PIK3CD: variants seen among roughly 807,000 people sequenced by gnomAD.
PIK3CD encodes the protein phosphatidylinositol-4,5-bisphosphate 3-kinase catalytic subunit delta.
In PIK3CD, 20 loss-of-function variants were observed where a neutral mutation model predicts 122.9. That is an observed-to-expected ratio of 0.16 (90% CI 0.11 to 0.24). The LOEUF (loss-of-function observed/expected upper bound fraction) is 0.24. PIK3CD is among the 10% of genes least tolerant of loss of function. The pLI is 1.00. For missense variants in PIK3CD, 787 were observed against 1,406.3 expected (o/e 0.56, Z 7.04); for synonymous variants, 596 against 593.4 (o/e 1.00, Z -0.06).
At position 9,695,645 on chromosome 1, in the gene PIK3CD, C is replaced by T. The variant is rs899823867; in HGVS notation, c.-33+4074C>T. On this transcript the variant is annotated intron_variant, in intron 2 of 23. Transcript: ENST00000377346. ...GATCACTAGGTCAGGAGTTCAAGAC[C>T]AGCCTGGCCAACATGGTGAAACCCT... Among the ~76,000 whole-genome samples the T allele has an allele frequency of 2.0e-5, 3 of 152,078 alleles. No homozygotes were observed. The East Asian group carries it at 5.8e-4, about 29-fold the overall frequency.
Position 9,719,814 on chromosome 1 carries a change from G to A in PIK3CD, c.1243-107G>A, listed in dbSNP as rs1173248643. ...TCTCCCAGGGGTCTGGTTGGGAGAT[G>A]TTAGCTGGGCTCTGGGTCTTCTCGG... On this transcript the variant is annotated intron_variant, in intron 9 of 23. Transcript: ENST00000377346. This position sits in a 1 kb window ranked among gnomAD's most constrained non-coding sequence, Gnocchi z 5.5. 6 of 915,636 alleles carry A rather than the reference G, an allele frequency of 6.6e-6. No individual in the cohort carries two copies. The East Asian group carries it at 9.6e-5, about 15-fold the overall frequency. The allele number at this position is 915,636 out of a possible 1,614,324, so 56.7% of individuals were successfully genotyped here.
chr1:9,634,511 C>A, the PIK3CD span, among the ~76,000 whole-genome samples: 2 of 152,096 alleles, frequency 1.3e-5, no homozygotes, highest in Admixed American at 6.5e-5. Flanking sequence ...GTTGCCCAGG[C>A]TGGTCTCAAA....
At chr1:9,644,584 G>A in the PIK3CD span, among the ~76,000 whole-genome samples, 4 of 151,966 alleles carry the variant, frequency 2.6e-5, no homozygotes, top group East Asian at 5.8e-4. Context: ...AGCCATCATC[G>A]TTCTTCAAGT....
At position 9,729,076 on chromosome 1, in the gene PIK3CD, T is replaced by C. The variant is rs965740041; in HGVS notation, c.*2030T>C. On this transcript the variant is annotated 3_prime_UTR_variant, in exon 24 of 24. Transcript: ENST00000377346. ...AGCGGATACACTTTCTGACCTATCA[T>C]GAGTATACACATCTGCGAAGGGAAA... The C allele has an allele frequency of 9.2e-5, 14 of 152,206 alleles. No individual in the cohort carries two copies. The highest frequency in any genetic ancestry group is 2.9e-4 in the African/African-American group (12 of 41,432). 9.4% of individuals were successfully genotyped at this position (152,206 alleles called of 1,614,324 possible).
chr1:9,689,054 C>T lies in PIK3CD; in HGVS notation c.-137-2413C>T, dbSNP rs116625573. Among the ~76,000 whole-genome samples, 2,509 of 152,360 alleles carry T rather than the reference C, an allele frequency of 0.016. 75 individuals are homozygous for T. Among genetic ancestry groups the T allele is most frequent in the African/African-American group, 0.058 (2,416 of 41,588 alleles). On this transcript the variant is annotated intron_variant, in intron 1 of 23. Coordinates refer to ENST00000377346, the MANE Select transcript of PIK3CD (RefSeq NM_005026.5). The surrounding 1 kb of genome is among the most constrained non-coding windows in gnomAD (Gnocchi z 6.1). ...GCTGGATTTGAGCCCAGAGCCCGGG[C>T]TGGCCAATTACTCGAGTGAGTCTGG...
chr1:9,698,127 C>G (rs1275685532), intron 2 of PIK3CD, among the ~76,000 whole-genome samples: 2 of 152,128 alleles, frequency 1.3e-5, no homozygotes, highest in Non-Finnish European at 2.9e-5. Context: ...CATATTCATT[C>G]ATAACATTTC....
chr1:9,697,606 ACCTG>A (rs1450747749), intron 2 of PIK3CD, among the ~76,000 whole-genome samples: 2 of 151,798 alleles, frequency 1.3e-5, no homozygotes, highest in African/African-American at 2.4e-5. Context: ...TGTGGTGTGC[ACCTG>A]TAGTCCCAGC....
chr1:9,670,747 TA>T (rs1645295846), intron 1 of PIK3CD, among the ~76,000 whole-genome samples: 1 of 152,106 alleles, frequency 6.6e-6, no homozygotes, highest in Non-Finnish European at 1.5e-5. Flanking sequence ...AGTGGATTTT[TA>T]AAAAACAATT....
intron 2 of PIK3CD, among the ~76,000 whole-genome samples, chr1:9,694,448 C>T (rs545332912): frequency 3.3e-5 from 5 of 152,234 alleles, no homozygotes; most frequent in South Asian, 4.2e-4. Context: ...GTAGGAGAAT[C>T]GCTTGAACCT....
chr1:9,717,935 G>A lies in PIK3CD; in HGVS notation c.1020+309G>A, dbSNP rs1324015645. Among the ~76,000 whole-genome samples the A allele has an allele frequency of 2.0e-5, 3 of 152,180 alleles. No individual in the cohort carries two copies. The highest frequency in any genetic ancestry group is 4.4e-5 in the Non-Finnish European group (3 of 68,034). On this transcript the variant is annotated intron_variant, in intron 8 of 23. Transcript: ENST00000377346. The surrounding 1 kb of genome is among the most constrained non-coding windows in gnomAD (Gnocchi z 5.4). ...GGACCGCAGAGCTGGGGGAAGGGCC[G>A]GGCATGGAAGAGGGGCTGGGTCCAG...
In PIK3CD at chr1:9,727,046, G is replaced by A; in HGVS notation, c.3135G>A (p.Ter1045=). The change falls in exon 24 of 24, where the codon TAG becomes TAA. Residue 1045 remains the stop codon, a stop_retained_variant. Coordinates refer to ENST00000377346, the MANE Select transcript of PIK3CD (RefSeq NM_005026.5). ...AHNVSKDNRQ[*] ...ACGTGTCCAAAGACAACAGGCAGTA[G>A]TGGCTCCTCCCAGCCCTGGGCCCAA... 1 of 1,614,114 alleles carries A rather than the reference G, an allele frequency of 6.2e-7. No homozygotes were observed. Among genetic ancestry groups the A allele is most frequent in the Non-Finnish European group, 8.5e-7 (1 of 1,180,032 alleles).
intron 2 of PIK3CD, among the ~76,000 whole-genome samples, chr1:9,692,247 C>T (rs1242741183): frequency 6.6e-6 from 1 of 152,144 alleles, no homozygotes; most frequent in Admixed American, 6.5e-5. Context: ...TCTCTGGGTG[C>T]ATAACATATT....
At position 9,658,521 on chromosome 1, in the gene PIK3CD, A is replaced by ATTTTTTTT. The variant is rs1165670404; in HGVS notation, c.-138+6735_-138+6742dup. The stretch of plus-strand genomic sequence containing the variant: ...CTGAACTGGGTTTTTTCCCAGCCAC[A>ATTTTTTTT]TTTTTTTTTTTTTTTTTTTTTTTGG... On this transcript the variant is annotated intron_variant, in intron 1 of 23. Transcript: ENST00000377346. 6.0e-3 allele frequency among the ~76,000 whole-genome samples: 550 copies of ATTTTTTTT among 91,166 alleles called. 65 individuals are homozygous for ATTTTTTTT. Among genetic ancestry groups the ATTTTTTTT allele is most frequent in the African/African-American group, 0.025 (487 of 19,348 alleles). The allele number at this position is 91,166 out of a possible 152,430, so 59.8% of individuals were successfully genotyped here.
intron 2 of PIK3CD, among the ~76,000 whole-genome samples, chr1:9,702,098 G>C (rs111262400): frequency 6.6e-6 from 1 of 151,528 alleles, no homozygotes; most frequent in Non-Finnish European, 1.5e-5. Context: ...GGGTTCAAGC[G>C]AGTCTCCTGC....
In PIK3CD at chr1:9,720,462, G is replaced by A. The variant is rs756586508; in HGVS notation, c.1471-149G>A. On this transcript the variant is annotated intron_variant, in intron 11 of 23. Coordinates refer to ENST00000377346, the MANE Select transcript of PIK3CD (RefSeq NM_005026.5). The surrounding 1 kb of genome is among the most constrained non-coding windows in gnomAD (Gnocchi z 9.0). ...CCAGGAGGGATGCTCTTGGCATCTC[G>A]TGAGTGGAGGCCAGAGCTGCTGTGG... 2.7e-5 allele frequency: 39 copies of A among 1,462,288 alleles called. No individual in the cohort carries two copies. Among genetic ancestry groups the A allele is most frequent in the South Asian group, 1.1e-4 (8 of 75,050 alleles). 90.6% of individuals were successfully genotyped at this position (1,462,288 alleles called of 1,614,324 possible).
chr1:9,718,568 C>A lies in PIK3CD; in HGVS notation c.1021-126C>A. On this transcript the variant is annotated intron_variant, in intron 8 of 23. Coordinates refer to ENST00000377346, the MANE Select transcript of PIK3CD (RefSeq NM_005026.5). This position sits in a 1 kb window ranked among gnomAD's most constrained non-coding sequence, Gnocchi z 7.2. ...GGCCTTCCCTGTGCTGCACCACCTT[C>A]CTTCGTGTGGGAAGTAGAGTTCAGA... 1 of 900,866 alleles carries A rather than the reference C, an allele frequency of 1.1e-6. No homozygotes were observed. Among genetic ancestry groups the A allele is most frequent in the East Asian group, 2.6e-5 (1 of 38,242 alleles). The allele number at this position is 900,866 out of a possible 1,614,324, so 55.8% of individuals were successfully genotyped here.
the PIK3CD span, among the ~76,000 whole-genome samples, chr1:9,642,569 T>G: frequency 6.7e-6 from 1 of 150,356 alleles, no homozygotes; most frequent in African/African-American, 2.4e-5. Context: ...TACAAAAAAT[T>G]AGCCGGGCGC....
chr1:9,711,608 C>G (rs1044800278), intron 3 of PIK3CD, among the ~76,000 whole-genome samples: 2 of 151,980 alleles, frequency 1.3e-5, no homozygotes, highest in Admixed American at 6.6e-5. Flanking sequence ...GGGTCTCACT[C>G]TGTTGCCCAG....
chr1:9,717,445 C>G lies in PIK3CD; in HGVS notation c.931-92C>G. 7.9e-7 allele frequency: 1 copy of G among 1,264,652 alleles called. No individual in the cohort carries two copies. 78.3% of individuals were successfully genotyped at this position (1,264,652 alleles called of 1,614,324 possible). A position where few individuals can be genotyped will look rare whatever the true frequency, so the allele number is the denominator to read the frequency against. On this transcript the variant is annotated intron_variant, in intron 7 of 23. Coordinates refer to ENST00000377346, the MANE Select transcript of PIK3CD (RefSeq NM_005026.5). This position sits in a 1 kb window ranked among gnomAD's most constrained non-coding sequence, Gnocchi z 5.4. ...TGGCCGCAAACCTGTGACCCTCTCA[C>G]CCGCCCCCAAGTGGTCACGGGCCTC... is the stretch of plus-strand genomic sequence containing the variant.
Sources: allele counts gnomAD v4.1 joint callset (sites outside exome capture counted in the v4.1 genomes callset), GRCh38; gene constraint gnomAD v4.1.1; non-coding constraint Gnocchi (gnomAD v3.1); transcripts MANE v1.5; gene names NCBI Gene and HGNC (gene_info 2026-07-23, HGNC 2026-07-21).